GALNT18: variants seen among roughly 807,000 people sequenced by gnomAD.
The protein encoded by GALNT18 is polypeptide N-acetylgalactosaminyltransferase 18.
A neutral mutation model predicts 69.5 loss-of-function variants in GALNT18; 44 were observed. The ratio of observed to expected loss-of-function variants is 0.63; its 90% CI spans 0.50 to 0.81. The LOEUF (loss-of-function observed/expected upper bound fraction) is 0.81. Among genes scored for constraint, GALNT18 ranks in the 40% least tolerant of loss-of-function variants. The probability of loss-of-function intolerance (pLI) is 0.00; values close to 1 mark genes in which losing one functional copy is unlikely to be tolerated. For missense variants in GALNT18, 715 were observed against 810.0 expected (o/e 0.88, Z 1.42); for synonymous variants, 364 against 318.2 (o/e 1.14, Z -1.53).
At chr11:11,336,286 G>A (rs1456371841) in intron 7 of GALNT18, among the ~76,000 whole-genome samples, 2 of 152,210 alleles carry the variant, frequency 1.3e-5, no homozygotes, top group East Asian at 1.9e-4. Context: ...CCTTTCAAAA[G>A]TTGGGGACTG....
At chr11:11,417,982 T>C (rs1160091412) in intron 3 of GALNT18, among the ~76,000 whole-genome samples, 2 of 152,272 alleles carry the variant, frequency 1.3e-5, no homozygotes, top group Non-Finnish European at 2.9e-5. Context: ...CTGTATTCAC[T>C]TAGGTTAATA....
intron 1 of GALNT18, among the ~76,000 whole-genome samples, chr11:11,503,111 A>G (rs77940176): frequency 0.13 from 20,276 of 152,204 alleles, 1,730 homozygotes; most frequent in South Asian, 0.2. Flanking sequence ...CTCTTCTCAA[A>G]AGCCACCCCT....
intron 1 of GALNT18, among the ~76,000 whole-genome samples, chr11:11,585,370 T>TC (rs1382491028): frequency 2.7e-4 from 41 of 151,878 alleles, no homozygotes; most frequent in African/African-American, 9.7e-4. Flanking sequence ...TTTTTTTTTT[T>TC]CCGAGATGGA....
chr11:11,382,116 G>A lies in GALNT18; in HGVS notation c.596-2852C>T, dbSNP rs1435583662. Reference sequence around the variant, plus strand: ...TCTGTTAACACTGAGCTAGAGTAAAGGCTTCTGGTGGACCAGATAGTAGAA... The same window carrying A: ...TCTGTTAACACTGAGCTAGAGTAAAAGCTTCTGGTGGACCAGATAGTAGAA... On this transcript the variant is annotated intron_variant, in intron 3 of 10. Coordinates refer to ENST00000227756, the MANE Select transcript of GALNT18 (RefSeq NM_198516.3). This position sits in a 1 kb window ranked among gnomAD's most constrained non-coding sequence, Gnocchi z 4.3. Among the ~76,000 whole-genome samples the A allele has an allele frequency of 6.6e-6, 1 of 152,166 alleles. No individual in the cohort carries two copies. The highest frequency in any genetic ancestry group is 1.5e-5 in the Non-Finnish European group (1 of 68,020).
intron 8 of GALNT18, among the ~76,000 whole-genome samples, chr11:11,328,888 A>G (rs1451029807): frequency 6.6e-6 from 1 of 152,156 alleles, no homozygotes; most frequent in Non-Finnish European, 1.5e-5. Context: ...GAGCCCTGAT[A>G]TTAGACTTGG....
chr11:11,383,168 C>G lies in GALNT18; in HGVS notation c.596-3904G>C, dbSNP rs1853963156. Among the ~76,000 whole-genome samples, 1 of 152,172 alleles carries G rather than the reference C, an allele frequency of 6.6e-6. No homozygotes were observed. Among genetic ancestry groups the G allele is most frequent in the South Asian group, 2.1e-4 (1 of 4,804 alleles). On this transcript the variant is annotated intron_variant, in intron 3 of 10. Coordinates refer to ENST00000227756, the MANE Select transcript of GALNT18 (RefSeq NM_198516.3). The surrounding 1 kb of genome is among the most constrained non-coding windows in gnomAD (Gnocchi z 5.2). The stretch of plus-strand genomic sequence containing the variant: ...TCCACATCCCCACGGGGAGCCTCCT[C>G]TCCGGGCCTGCTCAGGGCAGGCTGC...
rs1855231749 is a variant in GALNT18, at chr11:11,430,062, C to T, written c.595+2559G>A. Among the ~76,000 whole-genome samples, 1 of 152,002 alleles carries T rather than the reference C, an allele frequency of 6.6e-6. No homozygotes were observed. The highest frequency in any genetic ancestry group is 6.5e-5 in the Admixed American group (1 of 15,268). ...GGCTAAGATGGGAGGATTGCTTGAG[C>T]CTGGGAGCCTGGGAGCTGTGATCGT... On this transcript the variant is annotated intron_variant, in intron 3 of 10. Coordinates refer to ENST00000227756, the MANE Select transcript of GALNT18 (RefSeq NM_198516.3). The surrounding 1 kb of genome is among the most constrained non-coding windows in gnomAD (Gnocchi z 4.9).
At chr11:11,524,673 CT>C (rs1169087626) in intron 1 of GALNT18, among the ~76,000 whole-genome samples, 8 of 152,206 alleles carry the variant, frequency 5.3e-5, no homozygotes, top group African/African-American at 1.9e-4. Flanking sequence ...CAGTCTCCAA[CT>C]TTAATGTGAG....
chr11:11,325,650 T>G (rs1849903979), intron 9 of GALNT18, among the ~76,000 whole-genome samples: 1 of 152,224 alleles, frequency 6.6e-6, no homozygotes, highest in South Asian at 2.1e-4. Context: ...GTGTATTCAC[T>G]CTGGAAATTG....
chr11:11,587,571 G>A lies in GALNT18; in HGVS notation c.235+33788C>T, dbSNP rs547973967. ...TGCAAGACCATCAGTAGTCAAGCAC[G>A]GAAAATACCCTACAACAGAAAAGCT... On this transcript the variant is annotated intron_variant, in intron 1 of 10. Coordinates refer to ENST00000227756, the MANE Select transcript of GALNT18 (RefSeq NM_198516.3). The surrounding 1 kb of genome is among the most constrained non-coding windows in gnomAD (Gnocchi z 4.4). 3.9e-5 allele frequency among the ~76,000 whole-genome samples: 6 copies of A among 152,314 alleles called. No homozygotes were observed. The highest frequency in any genetic ancestry group is 1.3e-4 in the Admixed American group (2 of 15,298).
In GALNT18 at chr11:11,542,838, T is replaced by TTTTGC. The variant is rs540343610; in HGVS notation, c.235+78516_235+78520dup. ...ACTTTGGTGCTAAGGTTTTGTTTTG[T>TTTTGC]TTTGCTTTGCTTTGCTTTGCTTTCT... On this transcript the variant is annotated intron_variant, in intron 1 of 10. Transcript: ENST00000227756. This position sits in a 1 kb window ranked among gnomAD's most constrained non-coding sequence, Gnocchi z 4.3. Among the ~76,000 whole-genome samples, 17 of 152,358 alleles carry TTTTGC rather than the reference T, an allele frequency of 1.1e-4. No individual in the cohort carries two copies. The highest frequency in any genetic ancestry group is 5.8e-4 in the East Asian group (3 of 5,190).
rs966957104 is a variant in GALNT18, at chr11:11,497,347, C to CACACAT, written c.236-48412_236-48411insATGTGT. ...TCTCCAACACACACACACACACACA[C>CACACAT]ACACACACACACACACACACACACC... On this transcript the variant is annotated intron_variant, in intron 1 of 10. Transcript: ENST00000227756. This position sits in a 1 kb window ranked among gnomAD's most constrained non-coding sequence, Gnocchi z 4.2. 2.0e-5 allele frequency among the ~76,000 whole-genome samples: 3 copies of CACACAT among 150,778 alleles called. No homozygotes were observed. Among genetic ancestry groups the CACACAT allele is most frequent in the African/African-American group, 7.3e-5 (3 of 41,032 alleles).
intron 6 of GALNT18, chr11:11,352,362 T>A (rs1244210763): frequency 6.2e-7 from 1 of 1,614,000 alleles, no homozygotes; most frequent in Non-Finnish European, 8.5e-7. Context: ...GCCATATAAA[T>A]CTTCTGTCCC....
At chr11:11,327,005 C>T (rs1301237477) in intron 9 of GALNT18, 81 bp downstream of exon 9, 2 of 1,053,664 alleles carry the variant, frequency 1.9e-6, no homozygotes, top group Non-Finnish European at 2.9e-6. Flanking sequence ...TCTCCTTCCC[C>T]ATGACAGAGC....
intron 3 of GALNT18, among the ~76,000 whole-genome samples, chr11:11,416,994 C>T (rs1205891847): frequency 1.3e-5 from 2 of 152,238 alleles, no homozygotes; most frequent in African/African-American, 4.8e-5. Flanking sequence ...TGTGACTCCT[C>T]TGCAGCCTGG....
At chr11:11,561,552 G>A (rs541924398) in intron 1 of GALNT18, among the ~76,000 whole-genome samples, 14 of 152,328 alleles carry the variant, frequency 9.2e-5, no homozygotes, top group South Asian at 8.3e-4. Context: ...ATGTGAAAAT[G>A]CCTAGCAGAG....
chr11:11,490,290 T>A (rs960529192), intron 1 of GALNT18, among the ~76,000 whole-genome samples: 2 of 143,388 alleles, frequency 1.4e-5, no homozygotes, highest in Non-Finnish European at 3.0e-5. Context: ...CATGGGATAA[T>A]ACAGCAAAAA....
At chr11:11,274,764 T>C (rs1185095500) in intron 10 of GALNT18, among the ~76,000 whole-genome samples, 12 of 152,212 alleles carry the variant, frequency 7.9e-5, no homozygotes, top group Non-Finnish European at 1.3e-4. Context: ...TGTGTTCTCA[T>C]TGTCCAACTC....
chr11:11,271,407 G>A (rs562741564), intron 10 of GALNT18, 117 bp from the exon 11 acceptor site: 3 of 1,050,016 alleles, frequency 2.9e-6, no homozygotes, highest in East Asian at 2.4e-5. Context: ...CAGATCCCAG[G>A]AGGTCAGCAT....
Sources: gnomAD v4.1 joint callset for allele counts (sites outside exome capture counted in the v4.1 genomes callset) on GRCh38, gnomAD v4.1.1 for gene constraint, Gnocchi (gnomAD v3.1) non-coding constraint, MANE v1.5 for transcripts, NCBI Gene and HGNC (gene_info 2026-07-23, HGNC 2026-07-21) for gene names.